CDK5RAP2: variants seen among roughly 807,000 people sequenced by gnomAD.
CDK5RAP2 encodes the protein CDK5 regulatory subunit-associated protein 2.
Under a neutral mutation model 232.9 loss-of-function variants are expected in CDK5RAP2, and 147 were observed. The ratio of observed to expected loss-of-function variants is 0.63; its 90% CI spans 0.55 to 0.72. The LOEUF is 0.72. Ranked by LOEUF, CDK5RAP2 falls within the 30% of genes least tolerant of loss-of-function variation. CDK5RAP2 has a pLI of 0.00. For synonymous variants in CDK5RAP2, 833 were observed against 833.7 expected, an observed-to-expected ratio of 1.00 and a Z score of 0.01; for missense variants, 2,195 against 2,231.5, an observed-to-expected ratio of 0.98 and a Z score of 0.33.
At chr9:120,513,065 G>A (rs956012318) in intron 12 of CDK5RAP2, among the ~76,000 whole-genome samples, 4 of 151,996 alleles carry the variant, frequency 2.6e-5, no homozygotes, top group Non-Finnish European at 5.9e-5. Flanking sequence ...AACATGAGAG[G>A]GACCCAAAGC....
chr9:120,417,631 C>T (rs1461783375), intron 27 of CDK5RAP2, among the ~76,000 whole-genome samples: 2 of 152,200 alleles, frequency 1.3e-5, no homozygotes, highest in Non-Finnish European at 2.9e-5. Context: ...GGAAACATTC[C>T]CAGTTGAACT....
At chr9:120,450,570 C>A (rs187350545) in intron 21 of CDK5RAP2, among the ~76,000 whole-genome samples, 2 of 151,834 alleles carry the variant, frequency 1.3e-5, no homozygotes, top group African/African-American at 4.8e-5. Flanking sequence ...GGAGAAGGAA[C>A]CCAAGAGGAA....
intron 14 of CDK5RAP2, among the ~76,000 whole-genome samples, chr9:120,481,503 T>C (rs1037929313): frequency 1.3e-4 from 18 of 139,662 alleles, no homozygotes; most frequent in African/African-American, 3.7e-4. Context: ...TATTGTTTTC[T>C]TTTTTTTTTT....
rs182487050 is a variant in CDK5RAP2, at chr9:120,494,452, A to G, written c.1312-2975T>C. The stretch of plus-strand genomic sequence containing the variant: ...TAGAAAGCAAGGAATTGCTCAAAAA[A>G]TGAGGAGTCATGTTGAAAAGGCACA... On this transcript the variant is annotated intron_variant, in intron 12 of 37. Coordinates refer to ENST00000349780, the MANE Select transcript of CDK5RAP2 (RefSeq NM_018249.6). 2.6e-5 allele frequency among the ~76,000 whole-genome samples: 4 copies of G among 152,352 alleles called. No homozygotes were observed. In the East Asian group the frequency reaches 7.7e-4, roughly 29 times the overall value.
chr9:120,530,090 T>C lies in CDK5RAP2; in HGVS notation c.713A>G (p.Gln238Arg). The change falls in exon 8 of 38, where the codon CAG becomes CGG. Residue 238 changes from glutamine to arginine, a missense_variant. Gln to Arg is a conservative substitution (Grantham distance 43). Coordinates refer to ENST00000349780, the MANE Select transcript of CDK5RAP2 (RefSeq NM_018249.6). ...LSLKSKEALIQCLKEEKSQMA... is the reference protein window; with the variant it reads ...LSLKSKEALIRCLKEEKSQMA... ...CTGAGATTTCTCCTCTTTAAGGCAC[T>C]GAATTAAAGCTTCTTTGCTCTTCAA... 1 of 1,613,960 alleles carries C rather than the reference T, an allele frequency of 6.2e-7. No homozygotes were observed. Among genetic ancestry groups the C allele is most frequent in the Non-Finnish European group, 8.5e-7 (1 of 1,179,856 alleles).
At chr9:120,430,438 A>C (rs1022727938) in intron 25 of CDK5RAP2, among the ~76,000 whole-genome samples, 6 of 150,638 alleles carry the variant, frequency 4.0e-5, no homozygotes, top group African/African-American at 1.5e-4. Flanking sequence ...AACCCCATCA[A>C]AAAGTGGGCG....
At chr9:120,467,409 A>G (rs1487688472) in intron 18 of CDK5RAP2, among the ~76,000 whole-genome samples, 2 of 152,178 alleles carry the variant, frequency 1.3e-5, no homozygotes, top group Non-Finnish European at 2.9e-5. Context: ...CCGTGGAGAC[A>G]TGACTGGAAC....
chr9:120,571,752 A>G, intron 2 of CDK5RAP2: 1 of 561,912 alleles, frequency 1.8e-6, no homozygotes, highest in Middle Eastern at 4.2e-4. Flanking sequence ...CAACAAATGA[A>G]ACTCATGAAG....
intron 1 of CDK5RAP2, among the ~76,000 whole-genome samples, chr9:120,577,910 A>G (rs1588696566): frequency 6.6e-6 from 1 of 152,236 alleles, no homozygotes; most frequent in East Asian, 1.9e-4. Context: ...GGAAGTTATG[A>G]TAACAGCAAT....
intron 12 of CDK5RAP2, among the ~76,000 whole-genome samples, chr9:120,505,003 C>T (rs952905118): frequency 2.6e-5 from 4 of 152,190 alleles, no homozygotes; most frequent in African/African-American, 9.7e-5. Context: ...TAGGAGAGTG[C>T]TGGGCACTTT....
chr9:120,420,359 C>T (rs2034493320), intron 26 of CDK5RAP2, among the ~76,000 whole-genome samples: 1 of 152,200 alleles, frequency 6.6e-6, no homozygotes. Flanking sequence ...TGGGGCTCAT[C>T]ATAAACTGGC....
chr9:120,549,756 T>C lies in CDK5RAP2; in HGVS notation c.306+1036A>G, dbSNP rs572970571. Among the ~76,000 whole-genome samples, 4 of 152,332 alleles carry C rather than the reference T, an allele frequency of 2.6e-5. No homozygotes were observed. The South Asian group carries it at 8.3e-4, about 32-fold the overall frequency. On this transcript the variant is annotated intron_variant, in intron 4 of 37. Coordinates refer to ENST00000349780, the MANE Select transcript of CDK5RAP2 (RefSeq NM_018249.6). ...ATGACCACCATACTCACGTATAAAC[T>C]GCTTTAGGCTATTGGTTTTCCTTTA...
At chr9:120,482,553 C>T (rs1283587260) in intron 14 of CDK5RAP2, among the ~76,000 whole-genome samples, 5 of 152,132 alleles carry the variant, frequency 3.3e-5, no homozygotes, top group East Asian at 1.9e-4. Flanking sequence ...GGATCTGCTC[C>T]GGCCAAACCT....
intron 3 of CDK5RAP2, among the ~76,000 whole-genome samples, chr9:120,567,847 A>G (rs2042702415): frequency 6.6e-6 from 1 of 152,236 alleles, no homozygotes; most frequent in Non-Finnish European, 1.5e-5. Flanking sequence ...TATGTATTAT[A>G]TGACCATAAA....
Position 120,477,408 on chromosome 9 carries a change from A to C in CDK5RAP2, c.1669T>G (p.Leu557Val). 6.2e-7 allele frequency: 1 copy of C among 1,614,036 alleles called. No individual in the cohort carries two copies. Among genetic ancestry groups the C allele is most frequent in the East Asian group, 2.2e-5 (1 of 44,896 alleles). Reference sequence around the variant, plus strand: ...GTATAGATGTCCTGCTCTTTCTTTAAGACCTGAATCAGCTCTTCATAGTCT... The same window carrying C: ...GTATAGATGTCCTGCTCTTTCTTTACGACCTGAATCAGCTCTTCATAGTCT... ...SSDYEELIQV[L>V]KKEQDIYTHL... Residue 557 changes from leucine (L) to valine (V), a missense_variant, in exon 15 of 38, where the codon TTA (leucine) becomes GTA (valine). Physicochemically the swap from Leu to Val is conservative, Grantham distance 32. Coordinates refer to ENST00000349780, the MANE Select transcript of CDK5RAP2 (RefSeq NM_018249.6).
chr9:120,570,592 C>A (rs1486724084), intron 2 of CDK5RAP2, among the ~76,000 whole-genome samples: 1 of 152,174 alleles, frequency 6.6e-6, no homozygotes, highest in Non-Finnish European at 1.5e-5. Context: ...GTAAACCCAG[C>A]ACTTTGGGAG....
chr9:120,518,004 A>C (rs1026217521), intron 12 of CDK5RAP2: 18 of 218,584 alleles, frequency 8.2e-5, no homozygotes, highest in Admixed American at 5.1e-4. Context: ...TCAAAAAAGA[A>C]CTAGTTAAAT....
chr9:120,424,795 G>A (rs1034066119), intron 25 of CDK5RAP2, among the ~76,000 whole-genome samples: 1 of 151,268 alleles, frequency 6.6e-6, no homozygotes, highest in South Asian at 2.1e-4. Context: ...TGCCTCCTGG[G>A]TTCAAGCAAT....
chr9:120,533,716 T>C (rs2041257910), intron 7 of CDK5RAP2, among the ~76,000 whole-genome samples: 1 of 147,120 alleles, frequency 6.8e-6, no homozygotes, highest in Non-Finnish European at 1.5e-5. Context: ...GAGAATCACC[T>C]GAACCTGGGA....
Sources: gnomAD v4.1 joint callset for allele counts (sites outside exome capture counted in the v4.1 genomes callset) on GRCh38, gnomAD v4.1.1 for gene constraint, MANE v1.5 for transcripts, NCBI Gene and HGNC (gene_info 2026-07-23, HGNC 2026-07-21) for gene names.